Variants in MTREX observed in about 807,000 individuals in gnomAD.
MTREX encodes the protein exosome RNA helicase MTR4.
Under a neutral mutation model 135.4 loss-of-function variants are expected in MTREX, and 76 were observed. The observed-to-expected ratio is 0.56, with a 90% CI of 0.47 to 0.68. The LOEUF (loss-of-function observed/expected upper bound fraction) is 0.68. MTREX is among the 30% of genes least tolerant of loss of function. The probability of loss-of-function intolerance (pLI) is 0.00; values close to 1 mark genes in which losing one functional copy is unlikely to be tolerated. For missense variants in MTREX, 920 were observed against 1,262.1 expected (o/e 0.73, Z 4.11); for synonymous variants, 404 against 401.6 (o/e 1.01, Z -0.07).
At chr5:55,408,041 G>A (rs917329458) in intron 22 of MTREX, among the ~76,000 whole-genome samples, 3 of 152,096 alleles carry the variant, frequency 2.0e-5, no homozygotes, top group African/African-American at 7.2e-5. Context: ...ACAGGTGTGA[G>A]CCACTTCACC....
chr5:55,345,197 G>A lies in MTREX; in HGVS notation c.1108+1G>A. 6.3e-7 allele frequency: 1 copy of A among 1,590,582 alleles called. No individual in the cohort carries two copies. Among genetic ancestry groups the A allele is most frequent in the Non-Finnish European group, 8.6e-7 (1 of 1,159,900 alleles). On this transcript the variant is annotated splice_donor_variant, in intron 10 of 26. Coordinates refer to ENST00000230640, the MANE Select transcript of MTREX (RefSeq NM_015360.5). LOFTEE classifies it high-confidence loss of function. ...AAAGGGCGGAAAGGAGGAACAAAAG[G>A]TAATTTGGAACTTTGCTTTGAGAGA...
chr5:55,370,908 T>C (rs1750185157), intron 16 of MTREX, among the ~76,000 whole-genome samples: 1 of 152,196 alleles, frequency 6.6e-6, no homozygotes, highest in African/African-American at 2.4e-5. Flanking sequence ...AAGTGTAGAA[T>C]TGGTAGAATG....
intron 13 of MTREX, 108 bp downstream of exon 13, chr5:55,351,137 A>G (rs2112069680): frequency 1.6e-6 from 2 of 1,281,644 alleles, no homozygotes; most frequent in Non-Finnish European, 2.0e-6. Context: ...ACAAGGCTTA[A>G]TGAAATGACT....
chr5:55,353,786 A>G (rs975937103), intron 14 of MTREX, among the ~76,000 whole-genome samples: 3 of 152,228 alleles, frequency 2.0e-5, no homozygotes, highest in African/African-American at 7.2e-5. Context: ...CTTCAAAAAA[A>G]AAGAGATTCC....
At position 55,358,577 on chromosome 5, in the gene MTREX, C is replaced by T; in HGVS notation, c.1538C>T (p.Ser513Phe). 2 of 1,595,600 alleles carry T rather than the reference C, an allele frequency of 1.3e-6. No individual in the cohort carries two copies. The highest frequency in any genetic ancestry group is 1.7e-6 in the Non-Finnish European group (2 of 1,175,190). Residue 513 changes from serine to phenylalanine, a missense_variant, in exon 15 of 27, where the codon TCT becomes TTT. By Grantham distance (155) the Ser-to-Phe change is radical. This residue lies in a region of MTREX where 46 missense variants were observed against 116.8 expected (regional missense o/e 0.39). Coordinates refer to ENST00000230640, the MANE Select transcript of MTREX (RefSeq NM_015360.5). ...KFDGKDFRWI[S>F]SGEYIQMSGR... Reference sequence around the variant, plus strand: ...ATTTTAACTATGTTCATTCAGATTTCTTCTGGTGAATACATTCAGATGTCT... The same window carrying T: ...ATTTTAACTATGTTCATTCAGATTTTTTCTGGTGAATACATTCAGATGTCT...
rs1751153492 is a variant in MTREX at position 55,425,370 on chromosome 5, C to CAAGT, written c.*599_*602dup. On this transcript the variant is annotated 3_prime_UTR_variant, in exon 27 of 27. Coordinates refer to ENST00000230640, the MANE Select transcript of MTREX (RefSeq NM_015360.5). ...AAATATTTAATGGTATAATTTAGAT[C>CAAGT]AAGTTAAAAACTACATACAAAGTTG... 3 of 1,535,636 alleles carry CAAGT rather than the reference C, an allele frequency of 2.0e-6. No individual in the cohort carries two copies. The highest frequency in any genetic ancestry group is 2.7e-6 in the Non-Finnish European group (3 of 1,129,078).
At chr5:55,338,159 AT>A (rs1749584185) in intron 5 of MTREX, among the ~76,000 whole-genome samples, 1 of 152,132 alleles carries the variant, frequency 6.6e-6, no homozygotes, top group African/African-American at 2.4e-5. Context: ...CATAGTCTTA[AT>A]TGTTCTGTTT....
intron 1 of MTREX, among the ~76,000 whole-genome samples, chr5:55,308,992 C>T (rs1749046499): frequency 6.7e-6 from 1 of 149,884 alleles, no homozygotes; most frequent in Non-Finnish European, 1.5e-5. Context: ...TAAAGAGTTA[C>T]AGTATAGGTG....
chr5:55,363,877 G>C (rs113111877), intron 15 of MTREX, among the ~76,000 whole-genome samples: 4 of 152,260 alleles, frequency 2.6e-5, no homozygotes, highest in African/African-American at 9.6e-5. Flanking sequence ...ACAGTGAGTG[G>C]CATATGCTAA....
chr5:55,393,895 A>C (rs1420233819), intron 19 of MTREX, among the ~76,000 whole-genome samples: 1 of 152,218 alleles, frequency 6.6e-6, no homozygotes, highest in Non-Finnish European at 1.5e-5. Context: ...TGTTTATAAA[A>C]TGTCATGTTT....
At chr5:55,320,885 A>G (rs755577351) in intron 1 of MTREX, among the ~76,000 whole-genome samples, 27 of 152,184 alleles carry the variant, frequency 1.8e-4, no homozygotes, top group Non-Finnish European at 3.2e-4. Flanking sequence ...TTTTAGTTAC[A>G]TATCTGTGTA....
At chr5:55,365,570 A>G (rs1463049834) in intron 15 of MTREX, among the ~76,000 whole-genome samples, 1 of 152,232 alleles carries the variant, frequency 6.6e-6, no homozygotes, top group Non-Finnish European at 1.5e-5. Context: ...TATGCCATTT[A>G]GAAATATGTG....
chr5:55,410,019 A>G (rs547094121), intron 22 of MTREX, among the ~76,000 whole-genome samples: 19 of 152,314 alleles, frequency 1.2e-4, no homozygotes, highest in African/African-American at 4.3e-4. Context: ...GTTCTAGACC[A>G]GCCTGGACAA....
chr5:55,418,966 C>G (rs751198275), intron 25 of MTREX, among the ~76,000 whole-genome samples: 7 of 152,150 alleles, frequency 4.6e-5, no homozygotes, highest in Non-Finnish European at 8.8e-5. Context: ...ACCTCAGCCT[C>G]CAGAGTAGCT....
chr5:55,408,429 C>T (rs528891588), intron 22 of MTREX, among the ~76,000 whole-genome samples: 1 of 152,086 alleles, frequency 6.6e-6, no homozygotes, highest in Non-Finnish European at 1.5e-5. Flanking sequence ...TTGAAATAGT[C>T]TTTCCTCGTT....
At chr5:55,310,916 T>A (rs1749102304) in intron 1 of MTREX, among the ~76,000 whole-genome samples, 2 of 152,096 alleles carry the variant, frequency 1.3e-5, no homozygotes, top group Non-Finnish European at 2.9e-5. Flanking sequence ...TAGCTAGAAG[T>A]ACAGGTACAC....
rs559707894 is a variant in MTREX at position 55,408,162 on chromosome 5, C to G, written c.2646-2362C>G. On this transcript the variant is annotated intron_variant, in intron 22 of 26. Coordinates refer to ENST00000230640, the MANE Select transcript of MTREX (RefSeq NM_015360.5). ...GTATATTGTTACTCTCCCTCTCCAGCAGTCTGTTGCCACACCCCACACATG... is the reference window on the plus strand; with the variant it reads ...GTATATTGTTACTCTCCCTCTCCAGGAGTCTGTTGCCACACCCCACACATG... Among the ~76,000 whole-genome samples the G allele has an allele frequency of 4.6e-5, 7 of 152,266 alleles. No individual in the cohort carries two copies. The East Asian group carries it at 1.4e-3, about 29-fold the overall frequency.
intron 19 of MTREX, among the ~76,000 whole-genome samples, chr5:55,391,339 T>A (rs1019429340): frequency 2.6e-5 from 4 of 151,912 alleles, no homozygotes; most frequent in Admixed American, 2.6e-4. Flanking sequence ...CCCTGCTGTT[T>A]TGGAGGCTGA....
intron 5 of MTREX, among the ~76,000 whole-genome samples, chr5:55,333,173 G>A (rs371819487): frequency 6.6e-6 from 1 of 152,050 alleles, no homozygotes; most frequent in East Asian, 1.9e-4. Context: ...TTTTCTCTTC[G>A]TTGAGTTAGA....
Sources: allele counts gnomAD v4.1 joint callset (sites outside exome capture counted in the v4.1 genomes callset), GRCh38; gene constraint gnomAD v4.1.1; regional missense constraint gnomAD v4.1.1; transcripts MANE v1.5; gene names NCBI Gene and HGNC (gene_info 2026-07-23, HGNC 2026-07-21).